Variants in SHPRH observed in about 807,000 individuals in gnomAD.
SHPRH encodes E3 ubiquitin-protein ligase SHPRH.
Under a neutral mutation model 202.5 loss-of-function variants are expected in SHPRH, and 106 were observed. The ratio of observed to expected loss-of-function variants is 0.52; its 90% confidence interval spans 0.45 to 0.62. SHPRH has a LOEUF of 0.62. Ranked by LOEUF, SHPRH falls within the 20% of genes least tolerant of loss-of-function variation. The pLI is 0.00. For missense variants in SHPRH, 1,710 were observed against 2,020.0 expected (o/e 0.85, Z 2.94); for synonymous variants, 729 against 686.0 (o/e 1.06, Z -0.98).
chr6:145,862,881 C>CT (rs1779630975), downstream of SHPRH, among the ~76,000 whole-genome samples: 1 of 152,118 alleles, frequency 6.6e-6, no homozygotes. Flanking sequence ...AAGGTTACTT[C>CT]TTTTTTCTGG....
chr6:145,918,091 A>G (rs1352171584), intron 23 of SHPRH, 40 bp downstream of exon 23: 2 of 1,503,126 alleles, frequency 1.3e-6, no homozygotes, highest in African/African-American at 2.8e-5. Context: ...GTTTATGATA[A>G]TGCAGCATAG....
In SHPRH at chr6:145,897,045, A is replaced by C. The variant is rs181639050; in HGVS notation, c.4516-2068T>G. ...CAGCAGAAGGAAAGATATAATAAAA[A>C]TCAGAGCAGAAATAAATAAAATAGA... On this transcript the variant is annotated intron_variant, in intron 25 of 29. Transcript: ENST00000275233. Among the ~76,000 whole-genome samples the C allele has an allele frequency of 3.2e-4, 49 of 151,998 alleles. No homozygotes were observed. In the East Asian group the frequency reaches 7.1e-3, roughly 22 times the overall value.
At position 145,923,765 on chromosome 6, in the gene SHPRH, C is replaced by A; in HGVS notation, c.3423G>T (p.Trp1141Cys). The A allele has an allele frequency of 1.2e-6, 2 of 1,606,828 alleles. No homozygotes were observed. Among genetic ancestry groups the A allele is most frequent in the Non-Finnish European group, 1.7e-6 (2 of 1,175,984 alleles). ...TTGCTCTGTGGATCACATTTAGCCA[C>A]CAAGGAGAATTAGAATGAATCTGTA... is the stretch of plus-strand genomic sequence containing the variant. ...LQRKIHSNSP[W>C]WLNVIHRAIE... Residue 1141 changes from tryptophan (W) to cysteine (C), a missense_variant, in exon 18 of 30, where the codon TGG becomes TGT. Trp to Cys is a radical substitution (Grantham distance 215, BLOSUM62 -2). Coordinates refer to ENST00000275233, the MANE Select transcript of SHPRH (RefSeq NM_001042683.3).
chr6:145,958,161 T>A (rs1206083223), intron 1 of SHPRH, among the ~76,000 whole-genome samples: 1 of 152,032 alleles, frequency 6.6e-6, no homozygotes, highest in African/African-American at 2.4e-5. Context: ...GGCAAGGAAG[T>A]ATAAAGAGGT....
In SHPRH at chr6:145,886,449, G is replaced by C; in HGVS notation, c.*242C>G. On this transcript the variant is annotated 3_prime_UTR_variant, in exon 30 of 30. Coordinates refer to ENST00000275233, the MANE Select transcript of SHPRH (RefSeq NM_001042683.3). ...ATCATCAGATATAGATACTATTTGG[G>C]ACAAAAAATAAATGTTTTATTAGGA... is the stretch of plus-strand genomic sequence containing the variant. 2.4e-6 allele frequency: 2 copies of C among 820,500 alleles called. No individual in the cohort carries two copies. Among genetic ancestry groups the C allele is most frequent in the Non-Finnish European group, 4.3e-6 (2 of 467,570 alleles). The allele number at this position is 820,500 out of a possible 1,614,324, so 50.8% of individuals were successfully genotyped here. A position where few individuals can be genotyped will look rare whatever the true frequency, so the allele number is the denominator to read the frequency against.
At chr6:145,941,525 C>T (rs571595102) in intron 10 of SHPRH, 98 bp downstream of exon 10, 1 of 1,525,374 alleles carries the variant, frequency 6.6e-7, no homozygotes, top group East Asian at 2.3e-5. Context: ...ATCAGTACTA[C>T]AGGTTAACTA....
At chr6:145,860,734 A>G (rs1319684743), downstream of SHPRH, among the ~76,000 whole-genome samples, 1 of 152,072 alleles carries the variant, frequency 6.6e-6, no homozygotes, top group East Asian at 1.9e-4. Flanking sequence ...ATCACATTCT[A>G]TTACATCAAA....
At chr6:145,963,293 T>C (rs1211619524) in intron 1 of SHPRH, among the ~76,000 whole-genome samples, 6 of 152,210 alleles carry the variant, frequency 3.9e-5, no homozygotes, top group Non-Finnish European at 8.8e-5. Flanking sequence ...TAATGCCCAC[T>C]GGAATAATTT....
intron 9 of SHPRH, among the ~76,000 whole-genome samples, chr6:145,942,931 T>C (rs1183532856): frequency 6.6e-6 from 1 of 152,184 alleles, no homozygotes; most frequent in Admixed American, 6.5e-5. Context: ...TCAAAATGCT[T>C]TAATTGGTGA....
chr6:145,942,410 C>T (rs1401086154), intron 9 of SHPRH, among the ~76,000 whole-genome samples: 5 of 152,170 alleles, frequency 3.3e-5, no homozygotes, highest in African/African-American at 4.8e-5. Flanking sequence ...TTGCTCAAAA[C>T]TGATGGAACT....
intron 1 of SHPRH, among the ~76,000 whole-genome samples, chr6:145,963,243 A>G (rs1789287408): frequency 6.6e-6 from 1 of 152,240 alleles, no homozygotes; most frequent in Non-Finnish European, 1.5e-5. Context: ...CAGTAGAGAT[A>G]TCATGGATCG....
rs146513776 is a variant in SHPRH at position 145,870,259 on chromosome 6, A to ATTTTTTTTTTTTTTTTTTTTTTT, written c.222-5769_222-5768insAAAAAAAAAAAAAAAAAAAAAAA. Among the ~76,000 whole-genome samples the ATTTTTTTTTTTTTTTTTTTTTTT allele has an allele frequency of 3.7e-5, 4 of 107,740 alleles. No homozygotes were observed. The East Asian group carries it at 8.1e-4, about 22-fold the overall frequency. 70.7% of individuals were successfully genotyped at this position (107,740 alleles called of 152,430 possible). A position where few individuals can be genotyped will look rare whatever the true frequency, so the allele number is the denominator to read the frequency against. On this transcript the variant is annotated intron_variant, in intron 2 of 2. Transcript: ENST00000417762. The stretch of plus-strand genomic sequence containing the variant: ...AGGGTTTTTTTGTCAATCGTTTCAG[A>ATTTTTTTTTTTTTTTTTTTTTTT]TTTTTTTTTTTTTTTTTTTTGAGAT...
At chr6:145,927,376 TG>T (rs1784975318) in intron 14 of SHPRH, 99 bp from the exon 15 acceptor site, 2 of 1,084,352 alleles carry the variant, frequency 1.8e-6, no homozygotes, top group Non-Finnish European at 1.3e-6. Context: ...AAAAATAAAA[TG>T]TAATGATTAT....
At chr6:145,958,908 C>A (rs932117108) in intron 1 of SHPRH, among the ~76,000 whole-genome samples, 3 of 152,162 alleles carry the variant, frequency 2.0e-5, no homozygotes, top group African/African-American at 7.2e-5. Context: ...TCTCTGCTCA[C>A]TGCAAGCTCC....
Position 145,943,324 on chromosome 6 carries a change from G to A in SHPRH, c.2057C>T (p.Ala686Val), listed in dbSNP as rs373093256. ...QCLKCHLWQH[A>V]KCVNYDEKNL... ...TTTCTCATCATAATTCACACACTTT[G>A]CATGTTGCCACAGGTGACACTTCAG... The change falls in exon 9 of 30, where the codon GCA (alanine) becomes GTA (valine). Residue 686 changes from alanine (A) to valine (V), a missense_variant. Physicochemically the swap from Ala to Val is moderately conservative, Grantham distance 64 (BLOSUM62 0). This residue lies in a region of SHPRH where 277 missense variants were observed against 363.0 expected (regional missense o/e 0.76). Coordinates refer to ENST00000275233, the MANE Select transcript of SHPRH (RefSeq NM_001042683.3). 1 of 1,613,672 alleles carries A rather than the reference G, an allele frequency of 6.2e-7. No homozygotes were observed. The highest frequency in any genetic ancestry group is 8.5e-7 in the Non-Finnish European group (1 of 1,179,926).
intron 25 of SHPRH, chr6:145,907,567 T>C (rs1449676539): frequency 6.6e-6 from 1 of 152,140 alleles, no homozygotes; most frequent in Non-Finnish European, 1.5e-5. Flanking sequence ...TCTCCAGGCT[T>C]ATTCAACTGC....
At chr6:145,873,386 A>G (rs564596307) in intron 2 of SHPRH, among the ~76,000 whole-genome samples, 22 of 152,250 alleles carry the variant, frequency 1.4e-4, no homozygotes, top group Admixed American at 1.2e-3. Context: ...GATGAATGCC[A>G]TTTACCAAGA....
intron 2 of SHPRH, among the ~76,000 whole-genome samples, chr6:145,867,852 C>T (rs1157664480): frequency 6.6e-6 from 1 of 151,676 alleles, no homozygotes; most frequent in Admixed American, 6.6e-5. Flanking sequence ...GGTTCTAAGC[C>T]ACTCAGTTCA....
chr6:145,900,266 T>C (rs1008372968), intron 25 of SHPRH, among the ~76,000 whole-genome samples: 14 of 152,102 alleles, frequency 9.2e-5, no homozygotes, highest in Non-Finnish European at 1.8e-4. Flanking sequence ...TGTCCATCCA[T>C]TGATGAATAA....
Sources: allele counts gnomAD v4.1 joint callset (sites outside exome capture counted in the v4.1 genomes callset), GRCh38; gene constraint gnomAD v4.1.1; regional missense constraint gnomAD v4.1.1; transcripts MANE v1.5; gene names NCBI Gene and HGNC (gene_info 2026-07-23, HGNC 2026-07-21).